The following CSF2RA variants were observed in gnomAD, a reference collection of about 807,000 sequenced individuals.
CSF2RA encodes colony stimulating factor 2 receptor subunit alpha.
In CSF2RA, 42 loss-of-function variants were observed where a neutral mutation model predicts 51.6. The observed-to-expected ratio is 0.81, with a 90% CI of 0.64 to 1.05. The LOEUF (loss-of-function observed/expected upper bound fraction) is 1.05. Among genes scored for constraint, CSF2RA ranks in the 50% least tolerant of loss-of-function variants. The pLI is 0.00. For missense variants in CSF2RA, 530 were observed against 501.1 expected, an observed-to-expected ratio of 1.06 and a Z score of -0.55; for synonymous variants, 222 against 193.0, an observed-to-expected ratio of 1.15 and a Z score of -1.24.
At chrX:1,314,895 A>C (rs867129142), downstream of CSF2RA, among the ~76,000 whole-genome samples, 1,862 of 11,984 alleles carry the variant, frequency 0.16, 288 homozygotes, top group Middle Eastern at 0.33. Context: ...AACCACACTG[A>C]ACCTGCTCAA....
chrX:1,283,693 G>A (rs2090319650), intron 3 of CSF2RA, among the ~76,000 whole-genome samples: 1 of 151,518 alleles, frequency 6.6e-6, no homozygotes, highest in Non-Finnish European at 1.5e-5. Context: ...TCAGCCTCCC[G>A]AGTAGCTGGG....
In CSF2RA at chrX:1,303,338, C is replaced by T. The variant is rs771114846; in HGVS notation, c.947-585C>T. The T allele has an allele frequency of 1.3e-3, 573 of 425,364 alleles. 3 individuals carry two copies. Among genetic ancestry groups the T allele is most frequent in the African/African-American group, 0.01 (512 of 49,256 alleles). 26.3% of individuals were successfully genotyped at this position (425,364 alleles called of 1,614,324 possible). A position where few individuals can be genotyped will look rare whatever the true frequency, so the allele number is the denominator to read the frequency against. On this transcript the variant is annotated intron_variant, in intron 10 of 12. Coordinates refer to ENST00000381529, the MANE Select transcript of CSF2RA (RefSeq NM_172245.4). Reference sequence around the variant, plus strand: ...GCAACCTCCGTCTCCCAGGCTCAAGCGATTCTCCTGCCTCAGACTCCCAGG... The same window carrying T: ...GCAACCTCCGTCTCCCAGGCTCAAGTGATTCTCCTGCCTCAGACTCCCAGG...
chrX:1,323,407 G>A, the CSF2RA span, among the ~76,000 whole-genome samples: 1 of 151,942 alleles, frequency 6.6e-6, no homozygotes, highest in Non-Finnish European at 1.5e-5. Context: ...GTTACTAGTC[G>A]GGACTGGCAG....
chrX:1,298,142 T>C (rs545934964), intron 9 of CSF2RA, among the ~76,000 whole-genome samples: 292 of 1,204 alleles, frequency 0.24, 66 homozygotes, highest in East Asian at 0.21. Flanking sequence ...ACCCATGACC[T>C]CTGGTGGAAC....
At chrX:1,286,328 G>A (rs1373458656) in intron 4 of CSF2RA, among the ~76,000 whole-genome samples, 3 of 151,304 alleles carry the variant, frequency 2.0e-5, no homozygotes, top group African/African-American at 7.3e-5. Flanking sequence ...CAGCACTCTG[G>A]GAGGCCGAGG....
At chrX:1,280,904 G>T (rs867085725) in intron 2 of CSF2RA, among the ~76,000 whole-genome samples, 69 of 26,922 alleles carry the variant, frequency 2.6e-3, no homozygotes, top group African/African-American at 0.01. Context: ...TCCTCCTCCT[G>T]CTCCTTCTCC....
chrX:1,276,067 C>T (rs1486671350), intron 2 of CSF2RA, among the ~76,000 whole-genome samples: 2 of 151,966 alleles, frequency 1.3e-5, no homozygotes, highest in Non-Finnish European at 2.9e-5. Flanking sequence ...GTGGAGCGAT[C>T]TCAGCTCACT....
intron 12 of CSF2RA, chrX:1,306,075 CCA>C: frequency 2.7e-6 from 1 of 365,202 alleles, no homozygotes; most frequent in Non-Finnish European, 5.2e-6. Flanking sequence ...GAGCGAGACT[CCA>C]TCTCAAAAGA....
chrX:1,276,901 C>T (rs1249164153), intron 2 of CSF2RA, among the ~76,000 whole-genome samples: 9 of 151,572 alleles, frequency 5.9e-5, no homozygotes, highest in African/African-American at 1.5e-4. Context: ...GAGATCGAGA[C>T]CATCCTGGCC....
At chrX:1,314,993 C>T (rs1405971751), downstream of CSF2RA, among the ~76,000 whole-genome samples, 3 of 131,856 alleles carry the variant, frequency 2.3e-5, no homozygotes, top group African/African-American at 5.5e-5. Flanking sequence ...CGCACTGCAC[C>T]TGCCCAACCC....
chrX:1,321,518 T>A, the CSF2RA span, among the ~76,000 whole-genome samples: 1 of 151,154 alleles, frequency 6.6e-6, no homozygotes, highest in Non-Finnish European at 1.5e-5. Context: ...GAGGTTGCGG[T>A]TGGCTGAGGT....
At chrX:1,287,922 AG>A (rs1393610586) in intron 4 of CSF2RA, among the ~76,000 whole-genome samples, 2 of 143,836 alleles carry the variant, frequency 1.4e-5, no homozygotes, top group Non-Finnish European at 3.0e-5. Context: ...TTTTTAGTAG[AG>A]ACGGGGTTTC....
At chrX:1,282,392 TG>T in intron 2 of CSF2RA, 1 of 535,556 alleles carries the variant, frequency 1.9e-6, no homozygotes, top group Non-Finnish European at 3.4e-6. Flanking sequence ...GTGTCAGCTA[TG>T]GGTTCCCTCA....
chrX:1,299,118 C>G (rs1395804979), intron 9 of CSF2RA, among the ~76,000 whole-genome samples: 1 of 152,186 alleles, frequency 6.6e-6, no homozygotes, highest in African/African-American at 2.4e-5. Flanking sequence ...TGGCCTCAAC[C>G]TTCGTGTCCC....
Position 1,304,120 on chromosome X carries a change from C to G in CSF2RA, c.1043+101C>G. 21 of 1,117,004 alleles carry G rather than the reference C, an allele frequency of 1.9e-5. 1 individual carries two copies. The highest frequency in any genetic ancestry group is 2.9e-5 in the Non-Finnish European group (21 of 730,318). 69.2% of individuals were successfully genotyped at this position (1,117,004 alleles called of 1,614,324 possible). Reference sequence around the variant, plus strand: ...TCTCTGTCTCTGAGAAAGAGAAACACAGCCTTGGCCGGGCGTGTTGGCTCA... The same window carrying G: ...TCTCTGTCTCTGAGAAAGAGAAACAGAGCCTTGGCCGGGCGTGTTGGCTCA... On this transcript the variant is annotated intron_variant, in intron 11 of 12. Coordinates refer to ENST00000381529, the MANE Select transcript of CSF2RA (RefSeq NM_172245.4).
chrX:1,314,948 T>TCTGTGCCTGCCCAACCCCA (rs1197616371), downstream of CSF2RA, among the ~76,000 whole-genome samples: 5,660 of 34,376 alleles, frequency 0.16, 465 homozygotes, highest in East Asian at 0.44. Flanking sequence ...GCCCAACCCC[T>TCTGTGCCTGCCCAACCCCA]CTGTGCCTGC....
At chrX:1,270,752 T>A (rs28482445) in intron 1 of CSF2RA, among the ~76,000 whole-genome samples, 99,574 of 149,998 alleles carry the variant, frequency 0.66, 33,064 homozygotes, top group Middle Eastern at 0.76. Flanking sequence ...GCCCCTATTC[T>A]AGATGGAGTC....
chrX:1,285,716 AAAAAAAAAAAAAAAAGG>A (rs2090559701), intron 3 of CSF2RA, 45 bp from the exon 4 acceptor site: 1 of 1,360,762 alleles, frequency 7.3e-7, no homozygotes, highest in Non-Finnish European at 9.9e-7. Flanking sequence ...AAAAAAAAAA[AAAAAAAAAAAAAAAAGG>A]AAAAGAAAAG....
chrX:1,268,929 G>A (rs1451436584), intron 1 of CSF2RA, 50 bp downstream of exon 1: 4 of 453,548 alleles, frequency 8.8e-6, no homozygotes, highest in Non-Finnish European at 1.3e-5. Flanking sequence ...CGAGTCACCC[G>A]GGTACATGTT....
Sources: gnomAD v4.1 joint callset for allele counts (sites outside exome capture counted in the v4.1 genomes callset) on GRCh38, gnomAD v4.1.1 for gene constraint, MANE v1.5 for transcripts, NCBI Gene and HGNC (gene_info 2026-07-23, HGNC 2026-07-21) for gene names.